The following GALNT13 variants were observed in gnomAD, a reference collection of about 807,000 sequenced individuals.
GALNT13 encodes the protein polypeptide N-acetylgalactosaminyltransferase 13.
A neutral mutation model predicts 64.2 loss-of-function variants in GALNT13; 28 were observed. The observed-to-expected ratio is 0.44, with a 90% CI of 0.32 to 0.60. The LOEUF (loss-of-function observed/expected upper bound fraction) is 0.60, where lower values mean the gene tolerates loss of function less well. Ranked by LOEUF, GALNT13 falls within the 20% of genes least tolerant of loss-of-function variation. The pLI, the probability that GALNT13 is intolerant of heterozygous loss-of-function variation, is 0.05. For missense variants in GALNT13, 577 were observed against 669.8 expected (o/e 0.86, Z 1.53); for synonymous variants, 214 against 224.6 (o/e 0.95, Z 0.42).
chr2:153,314,260 G>A, the GALNT13 span, among the ~76,000 whole-genome samples: 1 of 152,008 alleles, frequency 6.6e-6, no homozygotes, highest in Admixed American at 6.6e-5. Flanking sequence ...TAAAAATGAA[G>A]AAACATGAAC....
intron 3 of GALNT13, among the ~76,000 whole-genome samples, chr2:154,020,818 G>GT (rs1324020744): frequency 1.3e-5 from 2 of 151,936 alleles, no homozygotes; most frequent in Non-Finnish European, 2.9e-5. Context: ...TTCTTCTAGG[G>GT]TTTTTATGGT....
At chr2:154,219,983 C>T (rs775142466) in intron 4 of GALNT13, among the ~76,000 whole-genome samples, 7 of 152,082 alleles carry the variant, frequency 4.6e-5, no homozygotes, top group Non-Finnish European at 8.8e-5. Flanking sequence ...TCATATATAA[C>T]TTCCAGGGCA....
intron 8 of GALNT13, 85 bp from the exon 9 acceptor site, chr2:154,301,324 A>G: frequency 8.7e-7 from 1 of 1,154,978 alleles, no homozygotes. Flanking sequence ...GAAACATGTA[A>G]AATACGAAGA....
intron 9 of GALNT13, among the ~76,000 whole-genome samples, chr2:154,306,619 G>T (rs1189920267): frequency 2.4e-3 from 2 of 820 alleles, no homozygotes; most frequent in African/African-American, 3.1e-3. Context: ...ATAATTTGGT[G>T]GGGGGGGGGT....
chr2:154,451,580 G>A lies in GALNT13; in HGVS notation c.*1029G>A, dbSNP rs1701872111. 1 of 151,960 alleles carries A rather than the reference G, an allele frequency of 6.6e-6. No homozygotes were observed. The allele number at this position is 151,960 out of a possible 1,614,324, so 9.4% of individuals were successfully genotyped here. A position where few individuals can be genotyped will look rare whatever the true frequency, so the allele number is the denominator to read the frequency against. On this transcript the variant is annotated 3_prime_UTR_variant, in exon 13 of 13. Coordinates refer to ENST00000392825, the MANE Select transcript of GALNT13 (RefSeq NM_052917.4). ...CAGTATCTAAAAATTTTATCACCAGGGGAATAAACTCAATACACATTCATT... is the reference window on the plus strand; with the variant it reads ...CAGTATCTAAAAATTTTATCACCAGAGGAATAAACTCAATACACATTCATT...
chr2:154,079,551 C>A (rs1701164454), intron 3 of GALNT13, among the ~76,000 whole-genome samples: 1 of 151,482 alleles, frequency 6.6e-6, no homozygotes, highest in Non-Finnish European at 1.5e-5. Context: ...GGTCAAGTGA[C>A]CTGTTTAACC....
At chr2:153,825,405 TG>T in the GALNT13 span, among the ~76,000 whole-genome samples, 1 of 152,214 alleles carries the variant, frequency 6.6e-6, no homozygotes, top group Non-Finnish European at 1.5e-5. Flanking sequence ...ATTATAGCAA[TG>T]GCTCCTGTTG....
chr2:153,990,243 C>A (rs1695075291), intron 3 of GALNT13, among the ~76,000 whole-genome samples: 1 of 151,944 alleles, frequency 6.6e-6, no homozygotes, highest in Non-Finnish European at 1.5e-5. Context: ...CTGAGTCAGG[C>A]AGCTATCATT....
At chr2:153,469,726 G>A in the GALNT13 span, among the ~76,000 whole-genome samples, 3 of 152,210 alleles carry the variant, frequency 2.0e-5, no homozygotes, top group African/African-American at 7.2e-5. Flanking sequence ...AAATAAGTTT[G>A]TTAAATCAGT....
chr2:153,559,485 A>G, the GALNT13 span, among the ~76,000 whole-genome samples: 1 of 152,122 alleles, frequency 6.6e-6, no homozygotes, highest in Non-Finnish European at 1.5e-5. Flanking sequence ...TTGAATAATT[A>G]TAGTAATGTA....
At chr2:154,237,604 T>G (rs112300571) in intron 4 of GALNT13, among the ~76,000 whole-genome samples, 4,021 of 149,316 alleles carry the variant, frequency 0.027, 91 homozygotes, top group Non-Finnish European at 0.043. Context: ...TATAAAGGTT[T>G]TTTTACACAA....
chr2:153,583,428 A>G, the GALNT13 span, among the ~76,000 whole-genome samples: 2 of 152,348 alleles, frequency 1.3e-5, no homozygotes, highest in African/African-American at 4.8e-5. Context: ...AAATTATTCA[A>G]GCGGGAACAT....
chr2:154,281,241 T>C (rs1034911929), intron 8 of GALNT13, among the ~76,000 whole-genome samples: 2 of 152,206 alleles, frequency 1.3e-5, no homozygotes, highest in African/African-American at 4.8e-5. Context: ...TCTTATATTA[T>C]GTAGGATTTC....
the GALNT13 span, among the ~76,000 whole-genome samples, chr2:153,395,611 G>A: frequency 6.6e-6 from 1 of 152,156 alleles, no homozygotes; most frequent in South Asian, 2.1e-4. Flanking sequence ...GAAAAAATGT[G>A]TAATTATGAT....
intron 8 of GALNT13, among the ~76,000 whole-genome samples, chr2:154,291,543 G>A (rs1190340216): frequency 6.6e-6 from 1 of 152,226 alleles, no homozygotes. Context: ...GCAGCCCAGA[G>A]AGAGCTTGTC....
chr2:153,218,919 G>A, the GALNT13 span, among the ~76,000 whole-genome samples: 4 of 152,164 alleles, frequency 2.6e-5, no homozygotes, highest in Admixed American at 6.5e-5. Context: ...GTTCAAAAAA[G>A]TATAAAATTT....
At chr2:153,965,141 T>C (rs1693242517) in intron 3 of GALNT13, among the ~76,000 whole-genome samples, 1 of 152,210 alleles carries the variant, frequency 6.6e-6, no homozygotes, top group South Asian at 2.1e-4. Context: ...TGTTTAATGA[T>C]GAAATCAGGG....
At chr2:153,428,981 T>G in the GALNT13 span, among the ~76,000 whole-genome samples, 1 of 152,296 alleles carries the variant, frequency 6.6e-6, no homozygotes, top group Admixed American at 6.5e-5. Flanking sequence ...CTCTTCTTCC[T>G]ACCCTGGTTT....
the GALNT13 span, among the ~76,000 whole-genome samples, chr2:153,275,930 C>T: frequency 6.6e-6 from 1 of 152,066 alleles, no homozygotes; most frequent in Non-Finnish European, 1.5e-5. Flanking sequence ...TAGGAAAGTA[C>T]CAATTGCCTG....
Sources: gnomAD v4.1 joint callset for allele counts (sites outside exome capture counted in the v4.1 genomes callset) on GRCh38, gnomAD v4.1.1 for gene constraint, MANE v1.5 for transcripts, NCBI Gene and HGNC (gene_info 2026-07-23, HGNC 2026-07-21) for gene names.